The following CCND1 variants were observed in gnomAD, a reference collection of about 807,000 sequenced individuals.
CCND1 encodes cyclin D1, also known as G1/S-specific cyclin-D1.
Under a neutral mutation model 26.1 loss-of-function variants are expected in CCND1, and 9 were observed. That is an observed-to-expected ratio of 0.35 (90% CI 0.21 to 0.60). CCND1 has a LOEUF of 0.60. Ranked by LOEUF, CCND1 falls within the 20% of genes least tolerant of loss-of-function variation. The pLI is 0.79. For synonymous variants in CCND1, 194 were observed against 166.1 expected, an observed-to-expected ratio of 1.17 and a Z score of -1.29; for missense variants, 335 against 392.9, an observed-to-expected ratio of 0.85 and a Z score of 1.25.
rs572037183 is a variant in CCND1 at position 69,641,317 on chromosome 11, G to A, written c.4G>A (p.Glu2Lys). Reference protein sequence around the residue: MEHQLLCCEVET... With the variant: MKHQLLCCEVET... ...CTGCCCAGGAAGAGCCCCAGCCATG[G>A]AACACCAGCTCCTGTGCTGCGAAGT... Residue 2 changes from glutamate to lysine, a missense_variant, in exon 1 of 5, where the codon GAA becomes AAA. Transcript: ENST00000227507. 2 of 1,611,274 alleles carry A rather than the reference G, an allele frequency of 1.2e-6. No homozygotes were observed. The highest frequency in any genetic ancestry group is 1.7e-6 in the Non-Finnish European group (2 of 1,179,930).
chr11:69,653,555 G>A lies in CCND1; in HGVS notation c.*2273G>A. The A allele has an allele frequency of 9.1e-6, 5 of 547,284 alleles. No individual in the cohort carries two copies. Among genetic ancestry groups the A allele is most frequent in the Non-Finnish European group, 1.3e-5 (4 of 312,706 alleles). The allele number at this position is 547,284 out of a possible 1,614,324, so 33.9% of individuals were successfully genotyped here. ...CGGGCAGGTTCTGCCTGCTTTGGCGGGCAGACACGCGGGCGCGATCCCACA... is the reference window on the plus strand; with the variant it reads ...CGGGCAGGTTCTGCCTGCTTTGGCGAGCAGACACGCGGGCGCGATCCCACA... On this transcript the variant is annotated 3_prime_UTR_variant, in exon 5 of 5. Transcript: ENST00000227507.
rs3212872 is a variant in CCND1 at position 69,646,445 on chromosome 11, C to T, written c.575-1549C>T. On this transcript the variant is annotated intron_variant, in intron 3 of 4. Coordinates refer to ENST00000227507, the MANE Select transcript of CCND1 (RefSeq NM_053056.3). ...TGTTTATTCTCTCGGGATGAAGTCT[C>T]GGATGGGCCGCCACACCCCTGGCGG... Among the ~76,000 whole-genome samples, 1,171 of 152,262 alleles carry T rather than the reference C, an allele frequency of 7.7e-3. 18 individuals are homozygous for T. Among genetic ancestry groups the T allele is most frequent in the African/African-American group, 0.027 (1,117 of 41,558 alleles).
At chr11:69,642,464 T>TC (rs1163751496) in intron 1 of CCND1, among the ~76,000 whole-genome samples, 34 of 151,512 alleles carry the variant, frequency 2.2e-4, no homozygotes, top group Non-Finnish European at 4.0e-4. Context: ...TTCCTGGGGC[T>TC]CCCCCCGGAG....
intron 4 of CCND1, among the ~76,000 whole-genome samples, chr11:69,649,578 T>C (rs1855829403): frequency 6.6e-6 from 1 of 152,232 alleles, no homozygotes; most frequent in South Asian, 2.1e-4. Flanking sequence ...TGTCCATCTG[T>C]GCAAATCGGG....
rs1412188214 is a variant in CCND1, at chr11:69,648,080, A to C, written c.661A>C (p.Asn221His). Residue 221 changes from asparagine to histidine, a missense_variant, in exon 4 of 5, where the codon AAC becomes CAC. Asn to His is a moderately conservative substitution (Grantham distance 68). Coordinates refer to ENST00000227507, the MANE Select transcript of CCND1 (RefSeq NM_053056.3). ...AVQGLNLRSPNNFLSYYRLTR... is the reference protein window; with the variant it reads ...AVQGLNLRSPHNFLSYYRLTR... ...GCAAGGCCTGAACCTGAGGAGCCCC[A>C]ACAACTTCCTGTCCTACTACCGCCT... 6.2e-6 allele frequency: 10 copies of C among 1,613,828 alleles called. No individual in the cohort carries two copies. Among genetic ancestry groups the C allele is most frequent in the Non-Finnish European group, 8.5e-6 (10 of 1,180,008 alleles).
chr11:69,643,565 G>A, intron 2 of CCND1: 1 of 450,906 alleles, frequency 2.2e-6, no homozygotes. Flanking sequence ...GTTCCAGGTG[G>A]TGGGAGGTCT....
chr11:69,653,614 C>T lies in CCND1; in HGVS notation c.*2332C>T, dbSNP rs940450146. ...CGGGGGCCGGCCCCGAGGCCGCGTG[C>T]GTGAGAACCGCGCCGGTGTCCCCAG... is the stretch of plus-strand genomic sequence containing the variant. On this transcript the variant is annotated 3_prime_UTR_variant, in exon 5 of 5. Coordinates refer to ENST00000227507, the MANE Select transcript of CCND1 (RefSeq NM_053056.3). 3.0e-5 allele frequency: 14 copies of T among 469,874 alleles called. No homozygotes were observed. The highest frequency in any genetic ancestry group is 4.1e-5 in the Non-Finnish European group (11 of 265,288). The allele number at this position is 469,874 out of a possible 1,614,324, so 29.1% of individuals were successfully genotyped here.
chr11:69,650,437 G>T (rs1000599947), intron 4 of CCND1, among the ~76,000 whole-genome samples: 1 of 152,230 alleles, frequency 6.6e-6, no homozygotes. Flanking sequence ...TGGAGCCCCA[G>T]AGGGTGGAGG....
At chr11:69,642,932 C>A in intron 1 of CCND1, 99 bp from the exon 2 acceptor site, 1 of 843,952 alleles carries the variant, frequency 1.2e-6, no homozygotes, top group Non-Finnish European at 1.7e-6. Context: ...CGGCGCCCTC[C>A]AGACCTGGCG....
rs1395480477 is a variant in CCND1 at position 69,648,061 on chromosome 11, C to T, written c.642C>T (p.Gly214=). ...GGAGCGTGGTGGCCGCAGTGCAAGG[C>T]CTGAACCTGAGGAGCCCCAACAACT... ...AAGSVVAAVQ[G]LNLRSPNNFL... Residue 214 remains glycine (G), a synonymous_variant, in exon 4 of 5, where the codon GGC becomes GGT. Transcript: ENST00000227507. The T allele has an allele frequency of 2.7e-5, 44 of 1,613,872 alleles. No homozygotes were observed. The highest frequency in any genetic ancestry group is 3.6e-5 in the Non-Finnish European group (42 of 1,180,016).
chr11:69,646,498 C>T (rs1258699764), intron 3 of CCND1, among the ~76,000 whole-genome samples: 4 of 152,182 alleles, frequency 2.6e-5, no homozygotes, highest in Non-Finnish European at 5.9e-5. Context: ...CCCTTTGTGC[C>T]TGGGTCGGCT....
intron 3 of CCND1, 170 bp from the exon 4 acceptor site, chr11:69,647,824 C>A: frequency 1.4e-6 from 1 of 694,684 alleles, no homozygotes; most frequent in Non-Finnish European, 2.4e-6. Flanking sequence ...TCCGAGTGCC[C>A]AGGGATGGCT....
chr11:69,644,756 C>T (rs889059436), intron 3 of CCND1, among the ~76,000 whole-genome samples: 1 of 152,234 alleles, frequency 6.6e-6, no homozygotes, highest in Admixed American at 6.5e-5. Context: ...CCCAGCCCTG[C>T]CTCTGACCCC....
intron 1 of CCND1, 47 bp from the exon 2 acceptor site, chr11:69,642,984 G>C: frequency 1.4e-6 from 2 of 1,416,782 alleles, no homozygotes; most frequent in Non-Finnish European, 1.9e-6. Context: ...CGTGCGGGGG[G>C]GCGGCGCGAC....
rs1217810650 is a variant in CCND1, at chr11:69,641,271, A to AGG, written c.-42_-41dup. On this transcript the variant is annotated 5_prime_UTR_variant, in exon 1 of 5. Transcript: ENST00000227507. ...GCGAGAGCCGAGCGCGGACCCAGCC[A>AGG]GGACCCACAGCCCTCCCCAGCTGCC... 1.3e-6 allele frequency: 2 copies of AGG among 1,577,696 alleles called. No individual in the cohort carries two copies. Among genetic ancestry groups the AGG allele is most frequent in the Non-Finnish European group, 1.7e-6 (2 of 1,156,558 alleles).
chr11:69,651,518 G>T lies in CCND1; in HGVS notation c.*236G>T. ...AAGAGAGAGAGAGAAAAAAAAAATA[G>T]TATTTGCATAACCCTGAGCGGTGGG... is the stretch of plus-strand genomic sequence containing the variant. On this transcript the variant is annotated 3_prime_UTR_variant, in exon 5 of 5. Transcript: ENST00000227507. 2.4e-6 allele frequency: 1 copy of T among 417,482 alleles called. No individual in the cohort carries two copies. Among genetic ancestry groups the T allele is most frequent in the Non-Finnish European group, 4.2e-6 (1 of 237,440 alleles). The allele number at this position is 417,482 out of a possible 1,614,324, so 25.9% of individuals were successfully genotyped here. A position where few individuals can be genotyped will look rare whatever the true frequency, so the allele number is the denominator to read the frequency against.
At chr11:69,641,644 C>T in intron 1 of CCND1, 133 bp downstream of exon 1, 2 of 856,330 alleles carry the variant, frequency 2.3e-6, no homozygotes, top group Non-Finnish European at 3.6e-6. Context: ...TCTAGGGATC[C>T]GTATTTTCAA....
At position 69,653,561 on chromosome 11, in the gene CCND1, C is replaced by T. The variant is rs1855882534; in HGVS notation, c.*2279C>T. 3.7e-6 allele frequency: 2 copies of T among 537,588 alleles called. No individual in the cohort carries two copies. Among genetic ancestry groups the T allele is most frequent in the Non-Finnish European group, 6.5e-6 (2 of 306,722 alleles). The allele number at this position is 537,588 out of a possible 1,614,324, so 33.3% of individuals were successfully genotyped here. ...GGTTCTGCCTGCTTTGGCGGGCAGA[C>T]ACGCGGGCGCGATCCCACACAGGCT... On this transcript the variant is annotated 3_prime_UTR_variant, in exon 5 of 5. Transcript: ENST00000227507.
In CCND1 at chr11:69,654,386, T is replaced by C; in HGVS notation, c.*3104T>C. 1 of 700,450 alleles carries C rather than the reference T, an allele frequency of 1.4e-6. No individual in the cohort carries two copies. The allele number at this position is 700,450 out of a possible 1,614,324, so 43.4% of individuals were successfully genotyped here. A position where few individuals can be genotyped will look rare whatever the true frequency, so the allele number is the denominator to read the frequency against. On this transcript the variant is annotated 3_prime_UTR_variant, in exon 5 of 5. Coordinates refer to ENST00000227507, the MANE Select transcript of CCND1 (RefSeq NM_053056.3). The surrounding 1 kb of genome is among the most constrained non-coding windows in gnomAD (Gnocchi z 6.3). Reference sequence around the variant, plus strand: ...TGCATTTCTGGTTGCACCGCGGCGCTTCCCAGCACCAACATGTAACCGGCA... The same window carrying C: ...TGCATTTCTGGTTGCACCGCGGCGCCTCCCAGCACCAACATGTAACCGGCA...
Sources: gnomAD v4.1 joint callset for allele counts (sites outside exome capture counted in the v4.1 genomes callset) on GRCh38, gnomAD v4.1.1 for gene constraint, Gnocchi (gnomAD v3.1) non-coding constraint, MANE v1.5 for transcripts, NCBI Gene and HGNC (gene_info 2026-07-23, HGNC 2026-07-21) for gene names.